NXPE2: variants seen among roughly 807,000 people sequenced by gnomAD.
NXPE2 encodes neurexophilin and PC-esterase domain family member 2, also known as NXPE family member 2.
A neutral mutation model predicts 34.4 loss-of-function variants in NXPE2; 34 were observed. That is an observed-to-expected ratio of 0.99 (90% CI 0.75 to 1.31). NXPE2 has a LOEUF of 1.31. NXPE2 is among the 40% of genes most tolerant of loss of function. NXPE2 has a pLI of 0.00. For missense variants in NXPE2, 649 were observed against 672.5 expected (o/e 0.97, Z 0.39); for synonymous variants, 235 against 231.3 (o/e 1.02, Z -0.15).
At chr11:114,712,431 C>A in the NXPE2 span, among the ~76,000 whole-genome samples, 1 of 151,962 alleles carries the variant, frequency 6.6e-6, no homozygotes, top group East Asian at 1.9e-4. Context: ...TGTAAAAAAA[C>A]AAATAGATTT....
chr11:114,527,785 A>T, the NXPE2 span: 1 of 1,220,342 alleles, frequency 8.2e-7, no homozygotes, highest in Non-Finnish European at 1.2e-6. Flanking sequence ...ATTTAGGTTA[A>T]TGCTGATAAA....
chr11:114,531,584 T>C, the NXPE2 span, among the ~76,000 whole-genome samples: 1 of 152,174 alleles, frequency 6.6e-6, no homozygotes, highest in Admixed American at 6.5e-5. Flanking sequence ...TTGGGTAAAA[T>C]CCATTTGTAA....
chr11:114,780,550 G>T, the NXPE2 span, among the ~76,000 whole-genome samples: 1 of 152,192 alleles, frequency 6.6e-6, no homozygotes, highest in East Asian at 1.9e-4. Context: ...TGAATGCCAG[G>T]CATTAAACAA....
upstream of NXPE2, among the ~76,000 whole-genome samples, chr11:114,675,157 A>G (rs1950843616): frequency 1.3e-5 from 2 of 151,898 alleles, no homozygotes; most frequent in Middle Eastern, 3.4e-3. Flanking sequence ...TAGAAGGATT[A>G]TACTCCAACA....
the NXPE2 span, among the ~76,000 whole-genome samples, chr11:114,621,030 C>T: frequency 5.9e-5 from 9 of 152,098 alleles, no homozygotes; most frequent in Non-Finnish European, 1.0e-4. Flanking sequence ...ACCACTGTTA[C>T]GCAGTGCACA....
chr11:114,502,358 C>T, the NXPE2 span, among the ~76,000 whole-genome samples: 1 of 152,196 alleles, frequency 6.6e-6, no homozygotes, highest in Non-Finnish European at 1.5e-5. Context: ...TTATATACTT[C>T]ATGTCTCTAG....
At chr11:114,494,023 C>T in the NXPE2 span, among the ~76,000 whole-genome samples, 1 of 152,128 alleles carries the variant, frequency 6.6e-6, no homozygotes, top group Non-Finnish European at 1.5e-5. Flanking sequence ...TGTTATGCCA[C>T]TCACTCTTGG....
chr11:114,738,677 T>G, the NXPE2 span, among the ~76,000 whole-genome samples: 1 of 152,192 alleles, frequency 6.6e-6, no homozygotes, highest in African/African-American at 2.4e-5. Flanking sequence ...CTATAATGAA[T>G]GTACCCATTC....
chr11:114,567,241 C>T, the NXPE2 span, among the ~76,000 whole-genome samples: 1 of 152,056 alleles, frequency 6.6e-6, no homozygotes, highest in South Asian at 2.1e-4. Context: ...TATGTGAAGG[C>T]CTACTGCTTG....
the NXPE2 span, among the ~76,000 whole-genome samples, chr11:114,775,981 C>A: frequency 2.6e-5 from 4 of 152,194 alleles, no homozygotes; most frequent in Non-Finnish European, 5.9e-5. Flanking sequence ...TTCATTACTG[C>A]AAGGATGGCA....
At chr11:114,784,724 T>C in the NXPE2 span, among the ~76,000 whole-genome samples, 5 of 152,202 alleles carry the variant, frequency 3.3e-5, no homozygotes, top group East Asian at 7.7e-4. Flanking sequence ...CCAGGTGCTT[T>C]GAAATGGAGA....
At chr11:114,595,067 G>A in the NXPE2 span, among the ~76,000 whole-genome samples, 4 of 152,204 alleles carry the variant, frequency 2.6e-5, no homozygotes, top group African/African-American at 9.6e-5. Context: ...TCTAGATGAA[G>A]TCTCCAGACT....
At chr11:114,603,568 C>A in the NXPE2 span, among the ~76,000 whole-genome samples, 1 of 151,222 alleles carries the variant, frequency 6.6e-6, no homozygotes, top group Admixed American at 6.6e-5. Context: ...ATAAGTATTG[C>A]CTCGTCTCCT....
chr11:114,705,768 T>A lies in NXPE2; in HGVS notation c.929-13T>A. On this transcript the variant is annotated splice_polypyrimidine_tract_variant and intron_variant, in intron 4 of 5. Coordinates refer to ENST00000389586, the MANE Select transcript of NXPE2 (RefSeq NM_182495.6). ...TAATAAAAATTACTTAATCTGGAAATTTGTATTGCCAGAGAGCGAGAACAT... is the reference window on the plus strand; with the variant it reads ...TAATAAAAATTACTTAATCTGGAAAATTGTATTGCCAGAGAGCGAGAACAT... 2.9e-6 allele frequency: 4 copies of A among 1,385,038 alleles called. No homozygotes were observed. The highest frequency in any genetic ancestry group is 3.8e-6 in the Non-Finnish European group (4 of 1,056,614). 85.8% of individuals were successfully genotyped at this position (1,385,038 alleles called of 1,614,324 possible).
At chr11:114,587,150 C>T in the NXPE2 span, among the ~76,000 whole-genome samples, 1 of 152,162 alleles carries the variant, frequency 6.6e-6, no homozygotes, top group Admixed American at 6.5e-5. Context: ...AGGCTTTATG[C>T]TCCTTCTTTG....
At chr11:114,689,959 A>C (rs1591433352) in intron 2 of NXPE2, among the ~76,000 whole-genome samples, 2 of 152,058 alleles carry the variant, frequency 1.3e-5, no homozygotes, top group Admixed American at 1.3e-4. Context: ...CCACCCCTTT[A>C]CTATGATCCT....
chr11:114,527,040 C>A, the NXPE2 span: 1 of 152,204 alleles, frequency 6.6e-6, no homozygotes, highest in African/African-American at 2.4e-5. Flanking sequence ...GATTGAATGT[C>A]TTTCACATTG....
the NXPE2 span, among the ~76,000 whole-genome samples, chr11:114,775,390 G>C: frequency 2.0e-5 from 3 of 152,156 alleles, no homozygotes; most frequent in Admixed American, 1.3e-4. Context: ...TGTTAGGGGG[G>C]GCAAGAGGAC....
chr11:114,467,725 A>G, the NXPE2 span, among the ~76,000 whole-genome samples: 1 of 151,956 alleles, frequency 6.6e-6, no homozygotes, highest in Non-Finnish European at 1.5e-5. Flanking sequence ...GCTTGAGTCC[A>G]GGAGGTGGAG....
Sources: allele counts gnomAD v4.1 joint callset (sites outside exome capture counted in the v4.1 genomes callset), GRCh38; gene constraint gnomAD v4.1.1; transcripts MANE v1.5; gene names NCBI Gene and HGNC (gene_info 2026-07-23, HGNC 2026-07-21).